Variants in LAMB4 observed in about 807,000 individuals in gnomAD.
The protein encoded by LAMB4 is laminin subunit beta 4.
Under a neutral mutation model 199.2 loss-of-function variants are expected in LAMB4, and 196 were observed. The ratio of observed to expected loss-of-function variants is 0.98; its 90% CI spans 0.88 to 1.11. The LOEUF (loss-of-function observed/expected upper bound fraction) is 1.11, where lower values mean the gene tolerates loss of function less well. LAMB4 is among the 50% of genes least tolerant of loss of function. The pLI is 0.00. For missense variants in LAMB4, 2,080 were observed against 2,171.2 expected (o/e 0.96, Z 0.83); for synonymous variants, 744 against 770.6 (o/e 0.97, Z 0.57).
chr7:108,043,610 C>T (rs1284136109), intron 29 of LAMB4, 142 bp downstream of exon 29: 1 of 63,540 alleles, frequency 1.6e-5, no homozygotes, highest in Non-Finnish European at 2.3e-5. Context: ...GACGGAGTCT[C>T]GCTCTGTCGC....
intron 23 of LAMB4, 33 bp downstream of exon 23, chr7:108,062,741 T>C (rs2036206469): frequency 1.6e-6 from 2 of 1,222,378 alleles, no homozygotes; most frequent in Non-Finnish European, 2.2e-6. Flanking sequence ...CATGCTCACT[T>C]TGAGTGCACT....
At chr7:108,065,420 TATATATA>T (rs1312775571) in intron 21 of LAMB4, among the ~76,000 whole-genome samples, 3 of 152,222 alleles carry the variant, frequency 2.0e-5, no homozygotes, top group African/African-American at 7.2e-5. Context: ...AGTTGCTTGT[TATATATA>T]ATATATATGC....
chr7:108,090,323 T>C (rs576280227), intron 14 of LAMB4, among the ~76,000 whole-genome samples: 1 of 152,330 alleles, frequency 6.6e-6, no homozygotes, highest in Non-Finnish European at 1.5e-5. Context: ...TTCACATTAT[T>C]GCCCTTTAAA....
At chr7:108,095,767 C>A (rs1016209000) in intron 11 of LAMB4, among the ~76,000 whole-genome samples, 1 of 152,136 alleles carries the variant, frequency 6.6e-6, no homozygotes, top group African/African-American at 2.4e-5. Context: ...TACTTTTTGT[C>A]TTAATTCCCC....
chr7:108,125,708 C>A lies in LAMB4; in HGVS notation c.-33-2511G>T, dbSNP rs1209628494. ...GGACAGGTGGGAGTGAGGCAGACTG[C>A]CGAATTCCCAGGACTCAGATTTAGA... On this transcript the variant is annotated intron_variant, in intron 1 of 33. Transcript: ENST00000388781. Among the ~76,000 whole-genome samples the A allele has an allele frequency of 2.0e-5, 3 of 152,218 alleles. No homozygotes were observed. The East Asian group carries it at 5.8e-4, about 29-fold the overall frequency.
intron 14 of LAMB4, among the ~76,000 whole-genome samples, chr7:108,089,594 A>G (rs1185636823): frequency 6.6e-6 from 1 of 152,224 alleles, no homozygotes; most frequent in Non-Finnish European, 1.5e-5. Context: ...ATCCTTATCT[A>G]TACCATCCTT....
At chr7:108,023,033 C>T (rs180899573), downstream of LAMB4, among the ~76,000 whole-genome samples, 129 of 152,136 alleles carry the variant, frequency 8.5e-4, no homozygotes, top group Non-Finnish European at 1.4e-3. Flanking sequence ...AGGCTGGTCT[C>T]GAACTCCTGA....
At position 108,026,257 on chromosome 7, in the gene LAMB4, G is replaced by C. The variant is rs116160592; in HGVS notation, c.5147-2079C>G. ...TCAAGAAGTAGAATCTACTTACCCT[G>C]TTCCTACCCCCACGCCCCCGAATCT... is the stretch of plus-strand genomic sequence containing the variant. On this transcript the variant is annotated intron_variant, in intron 33 of 33. Coordinates refer to ENST00000388781, the MANE Select transcript of LAMB4 (RefSeq NM_007356.3). Among the ~76,000 whole-genome samples the C allele has an allele frequency of 7.9e-3, 1,205 of 152,276 alleles. 16 individuals carry two copies. The highest frequency in any genetic ancestry group is 0.025 in the African/African-American group (1,050 of 41,544).
rs73428708 is a variant in LAMB4, at chr7:108,122,567, A to G, written c.34+564T>C. ...TTCAGCATAAATCTTTGAAGTGAAG[A>G]TTCTAAGCAATTTAGTTAGTAATCA... On this transcript the variant is annotated intron_variant, in intron 2 of 33. Coordinates refer to ENST00000388781, the MANE Select transcript of LAMB4 (RefSeq NM_007356.3). 3.9e-3 allele frequency among the ~76,000 whole-genome samples: 594 copies of G among 152,382 alleles called. 4 individuals carry two copies. The highest frequency in any genetic ancestry group is 0.013 in the African/African-American group (558 of 41,592).
intron 1 of LAMB4, among the ~76,000 whole-genome samples, chr7:108,129,586 G>A (rs1194307781): frequency 1.3e-5 from 2 of 149,408 alleles, no homozygotes; most frequent in East Asian, 3.9e-4. Context: ...CACCCAGGCT[G>A]TAGTACAGTG....
At chr7:108,104,719 T>C (rs1383412197) in intron 8 of LAMB4, 100 bp from the exon 9 acceptor site, 2 of 1,324,754 alleles carry the variant, frequency 1.5e-6, no homozygotes, top group Non-Finnish European at 1.0e-6. Context: ...GGTACCTCTC[T>C]GATCCTTAGT....
At chr7:108,098,901 G>A (rs1269382583) in intron 10 of LAMB4, among the ~76,000 whole-genome samples, 1 of 152,322 alleles carries the variant, frequency 6.6e-6, no homozygotes, top group East Asian at 1.9e-4. Context: ...GGGATGATGA[G>A]AACGTTTTGG....
chr7:108,046,879 T>C (rs1040812025), intron 28 of LAMB4, among the ~76,000 whole-genome samples: 13 of 151,854 alleles, frequency 8.6e-5, no homozygotes, highest in African/African-American at 2.9e-4. Flanking sequence ...GAGAGATCTA[T>C]AGTTTTCAAC....
intron 29 of LAMB4, among the ~76,000 whole-genome samples, chr7:108,038,731 ATTC>A (rs2035316920): frequency 1.3e-5 from 2 of 152,100 alleles, no homozygotes; most frequent in African/African-American, 2.4e-5. Flanking sequence ...GCTCAAGACA[ATTC>A]TTCTTCCAGT....
chr7:108,124,791 C>T (rs755073822), intron 1 of LAMB4, among the ~76,000 whole-genome samples: 67 of 152,180 alleles, frequency 4.4e-4, no homozygotes, highest in Non-Finnish European at 8.7e-4. Context: ...AATCCGTTAC[C>T]CTCCTACTCC....
chr7:108,112,971 ACT>A (rs1186469456), intron 3 of LAMB4, among the ~76,000 whole-genome samples: 1 of 151,916 alleles, frequency 6.6e-6, no homozygotes, highest in Admixed American at 6.6e-5. Flanking sequence ...CACTCTCTTG[ACT>A]CTGGCTACAC....
intron 29 of LAMB4, among the ~76,000 whole-genome samples, chr7:108,038,338 T>C (rs1385226960): frequency 6.6e-6 from 1 of 152,100 alleles, no homozygotes; most frequent in Non-Finnish European, 1.5e-5. Flanking sequence ...TTTTTTTGTA[T>C]TTTTAGTAGA....
At chr7:108,068,689 T>C (rs1235217293) in intron 18 of LAMB4, among the ~76,000 whole-genome samples, 2 of 151,906 alleles carry the variant, frequency 1.3e-5, no homozygotes, top group Non-Finnish European at 2.9e-5. Flanking sequence ...GTTTTGTTTG[T>C]TTGTTTGTTT....
chr7:108,026,687 C>T (rs928488263), intron 33 of LAMB4: 6 of 241,922 alleles, frequency 2.5e-5, no homozygotes, highest in South Asian at 9.7e-5. Flanking sequence ...GCTGGGACCC[C>T]GACTGACACC....
Sources: gnomAD v4.1 joint callset for allele counts (sites outside exome capture counted in the v4.1 genomes callset) on GRCh38, gnomAD v4.1.1 for gene constraint, MANE v1.5 for transcripts, NCBI Gene and HGNC (gene_info 2026-07-23, HGNC 2026-07-21) for gene names.